RYR2: variants seen among roughly 807,000 people sequenced by gnomAD.
RYR2 encodes the protein cardiac muscle ryanodine receptor-calcium release channel.
In RYR2, 227 loss-of-function variants were observed where a neutral mutation model predicts 601.1. The ratio of observed to expected loss-of-function variants is 0.38; its 90% CI spans 0.34 to 0.42. The LOEUF is 0.42. RYR2 is among the 10% of genes least tolerant of loss of function. The pLI is 1.00. For synonymous variants in RYR2, 2,223 were observed against 2,175.1 expected, an observed-to-expected ratio of 1.02 and a Z score of -0.61; for missense variants, 4,646 against 6,156.5, an observed-to-expected ratio of 0.75 and a Z score of 8.21.
At chr1:237,689,656 G>T (rs1197479292) in intron 63 of RYR2, among the ~76,000 whole-genome samples, 2 of 151,884 alleles carry the variant, frequency 1.3e-5, no homozygotes, top group Non-Finnish European at 2.9e-5. Context: ...ATTTTTAAGG[G>T]GAATTTATTG....
chr1:237,205,254 C>G (rs546552134), intron 1 of RYR2, among the ~76,000 whole-genome samples: 1 of 152,190 alleles, frequency 6.6e-6, no homozygotes, highest in Non-Finnish European at 1.5e-5. Context: ...TTGGAATACA[C>G]CACAGGGTTC....
chr1:237,530,458 A>C lies in RYR2; in HGVS notation c.2854A>C (p.Ile952Leu). 1 of 1,609,588 alleles carries C rather than the reference A, an allele frequency of 6.2e-7. No homozygotes were observed. ...GTTGGCATTAGGATGTCATGTGGGT[A>C]TATCAGATGAACATGCTGAAGACAA... is the stretch of plus-strand genomic sequence containing the variant. ...TLLALGCHVG[I>L]SDEHAEDKVK... The change falls in exon 25 of 105, where the codon ATA becomes CTA. Residue 952 changes from isoleucine (I) to leucine (L), a missense_variant. Physicochemically the swap from Ile to Leu is conservative, Grantham distance 5. This residue lies in a region of RYR2 where 1,807 missense variants were observed against 2,088.1 expected (regional missense o/e 0.87). Transcript: ENST00000366574.
At chr1:237,481,118 A>ATATATATATG (rs1662033922) in intron 17 of RYR2, among the ~76,000 whole-genome samples, 2 of 138,558 alleles carry the variant, frequency 1.4e-5, no homozygotes, top group East Asian at 4.1e-4. Context: ...ATATATATAT[A>ATATATATATG]TATATATACA....
chr1:237,446,778 A>C (rs1157300922), intron 14 of RYR2, among the ~76,000 whole-genome samples: 1 of 152,150 alleles, frequency 6.6e-6, no homozygotes, highest in African/African-American at 2.4e-5. Flanking sequence ...GTAAAGCTTA[A>C]ATCGAATGGG....
At chr1:237,699,770 G>A (rs1189557362) in intron 64 of RYR2, among the ~76,000 whole-genome samples, 2 of 152,126 alleles carry the variant, frequency 1.3e-5, no homozygotes, top group African/African-American at 2.4e-5. Flanking sequence ...TTCAGCCTTC[G>A]GCGGCTTCAT....
intron 1 of RYR2, among the ~76,000 whole-genome samples, chr1:237,047,976 C>CT (rs1001931610): frequency 3.3e-5 from 5 of 152,170 alleles, no homozygotes; most frequent in South Asian, 2.1e-4. Context: ...CAAAGCGACT[C>CT]TTTTTTGTAG....
rs74376530 is a variant in RYR2 at position 237,819,363 on chromosome 1, G to A, written c.14590+171G>A. Among the ~76,000 whole-genome samples, 8,982 of 152,116 alleles carry A rather than the reference G, an allele frequency of 0.059. 859 individuals carry two copies. The highest frequency in any genetic ancestry group is 0.2 in the African/African-American group (8,470 of 41,430). Reference sequence around the variant, plus strand: ...CAATCTACCGGGGGAAATATAAAGCGGTATGGAACCCTGGTATGAAGGGAA... The same window carrying A: ...CAATCTACCGGGGGAAATATAAAGCAGTATGGAACCCTGGTATGAAGGGAA... On this transcript the variant is annotated intron_variant, in intron 101 of 104. Coordinates refer to ENST00000366574, the MANE Select transcript of RYR2 (RefSeq NM_001035.3). The surrounding 1 kb of genome is among the most constrained non-coding windows in gnomAD (Gnocchi z 4.0).
chr1:237,726,867 A>G (rs980157461), intron 75 of RYR2, among the ~76,000 whole-genome samples: 1 of 152,084 alleles, frequency 6.6e-6, no homozygotes, highest in Non-Finnish European at 1.5e-5. Flanking sequence ...ATTATATAGC[A>G]TTTGCAACTA....
At chr1:237,687,343 G>GTT in intron 62 of RYR2, 112 bp from the exon 63 acceptor site, 10 of 578,420 alleles carry the variant, frequency 1.7e-5, no homozygotes, top group East Asian at 6.6e-5. Flanking sequence ...TATATCAGCT[G>GTT]TTTTTTTTTC....
At chr1:237,585,139 C>G (rs1193153233) in intron 29 of RYR2, among the ~76,000 whole-genome samples, 1 of 152,162 alleles carries the variant, frequency 6.6e-6, no homozygotes, top group Non-Finnish European at 1.5e-5. Flanking sequence ...GTCGTTGCAA[C>G]AGAGGCCATA....
chr1:237,634,419 C>G (rs908749260), intron 43 of RYR2, among the ~76,000 whole-genome samples: 1 of 152,062 alleles, frequency 6.6e-6, no homozygotes, highest in African/African-American at 2.4e-5. Flanking sequence ...CAAAGTCGAA[C>G]TCATAGAAAC....
chr1:237,192,306 T>G (rs1274674571), intron 1 of RYR2, among the ~76,000 whole-genome samples: 1 of 152,136 alleles, frequency 6.6e-6, no homozygotes, highest in Non-Finnish European at 1.5e-5. Flanking sequence ...CCTCCTGGGT[T>G]CAAGCGATTC....
intron 1 of RYR2, among the ~76,000 whole-genome samples, chr1:237,097,641 C>G (rs1354283958): frequency 1.3e-5 from 2 of 152,186 alleles, no homozygotes; most frequent in Admixed American, 6.6e-5. Flanking sequence ...GTAATGCAAT[C>G]AAAGCAACTT....
chr1:237,828,474 CTTTG>C (rs1365856730), intron 102 of RYR2, 29 bp downstream of exon 102: 1 of 1,467,538 alleles, frequency 6.8e-7, no homozygotes. Context: ...GACTCAGCTT[CTTTG>C]TTGTCCTGGG....
chr1:237,130,992 C>T lies in RYR2; in HGVS notation c.48+88423C>T, dbSNP rs139846548. 1.1e-3 allele frequency among the ~76,000 whole-genome samples: 163 copies of T among 152,234 alleles called. 3 individuals are homozygous for T. The East Asian group carries it at 0.031, about 29-fold the overall frequency. ...AGGGTAAGAGAAGTGAGAAACTCTC[C>T]TGTCTCCACTCTGAGCTTTACACCA... On this transcript the variant is annotated intron_variant, in intron 1 of 104. Coordinates refer to ENST00000366574, the MANE Select transcript of RYR2 (RefSeq NM_001035.3).
intron 1 of RYR2, among the ~76,000 whole-genome samples, chr1:237,257,028 C>T (rs1264487931): frequency 6.6e-6 from 1 of 152,156 alleles, no homozygotes; most frequent in African/African-American, 2.4e-5. Context: ...GTCATTGACA[C>T]TATTCAGGGT....
chr1:237,561,151 A>G (rs975762508), intron 27 of RYR2, among the ~76,000 whole-genome samples: 2 of 152,160 alleles, frequency 1.3e-5, no homozygotes, highest in Admixed American at 6.5e-5. Flanking sequence ...TGATCACACA[A>G]TCTCTGTATT....
chr1:237,149,447 A>T (rs149267436), intron 1 of RYR2, among the ~76,000 whole-genome samples: 34 of 152,334 alleles, frequency 2.2e-4, no homozygotes, highest in African/African-American at 8.2e-4. Context: ...TGTTGATGAG[A>T]TTTAGCAGTT....
intron 1 of RYR2, among the ~76,000 whole-genome samples, chr1:237,230,910 TAGAG>T (rs939830704): frequency 2.4e-5 from 3 of 125,590 alleles, no homozygotes; most frequent in African/African-American, 6.1e-5. Context: ...GCCTGGGTGA[TAGAG>T]AGAGACTCGT....
Sources: allele counts gnomAD v4.1 joint callset (sites outside exome capture counted in the v4.1 genomes callset), GRCh38; gene constraint gnomAD v4.1.1; regional missense constraint gnomAD v4.1.1; non-coding constraint Gnocchi (gnomAD v3.1); transcripts MANE v1.5; gene names NCBI Gene and HGNC (gene_info 2026-07-23, HGNC 2026-07-21).